The following STXBP5L variants were observed in gnomAD, a reference collection of about 807,000 sequenced individuals.
STXBP5L encodes the protein syntaxin-binding protein 5-like.
Under a neutral mutation model 144.5 loss-of-function variants are expected in STXBP5L, and 65 were observed. The observed-to-expected ratio is 0.45, with a 90% CI of 0.37 to 0.55. The LOEUF (loss-of-function observed/expected upper bound fraction) is 0.55. STXBP5L is among the 20% of genes least tolerant of loss of function. The probability of loss-of-function intolerance (pLI) is 0.00; values close to 1 mark genes in which losing one functional copy is unlikely to be tolerated. For missense variants in STXBP5L, 1,298 were observed against 1,405.5 expected (o/e 0.92, Z 1.22); for synonymous variants, 505 against 469.6 (o/e 1.08, Z -0.97).
intron 18 of STXBP5L, among the ~76,000 whole-genome samples, chr3:121,268,634 A>G (rs1407495101): frequency 6.6e-6 from 1 of 152,214 alleles, no homozygotes; most frequent in African/African-American, 2.4e-5. Context: ...TAATAGATTG[A>G]TTTCATCTAA....
At chr3:121,074,217 C>T (rs1485528032) in intron 5 of STXBP5L, among the ~76,000 whole-genome samples, 2 of 152,200 alleles carry the variant, frequency 1.3e-5, no homozygotes, top group African/African-American at 4.8e-5. Context: ...TTCAGGAGCT[C>T]GTTGGATGCA....
intron 3 of STXBP5L, among the ~76,000 whole-genome samples, chr3:120,985,049 G>T (rs1474872762): frequency 6.6e-6 from 1 of 151,956 alleles, no homozygotes; most frequent in African/African-American, 2.4e-5. Flanking sequence ...ATATGCTGCT[G>T]TATTTGGTTT....
At chr3:121,117,962 CTATTTCTG>C (rs757680641) in intron 6 of STXBP5L, among the ~76,000 whole-genome samples, 16 of 151,582 alleles carry the variant, frequency 1.1e-4, no homozygotes, top group Non-Finnish European at 2.1e-4. Context: ...ATAGAAACAG[CTATTTCTG>C]TAGGGCAGCC....
intron 9 of STXBP5L, among the ~76,000 whole-genome samples, chr3:121,159,922 G>A (rs2046259686): frequency 1.3e-5 from 2 of 152,066 alleles, no homozygotes; most frequent in South Asian, 2.1e-4. Context: ...GTGAGCCACC[G>A]CGCCCGGCCG....
intron 3 of STXBP5L, among the ~76,000 whole-genome samples, chr3:120,984,144 A>G (rs1169057116): frequency 1.3e-5 from 2 of 152,190 alleles, no homozygotes; most frequent in Non-Finnish European, 2.9e-5. Context: ...TCTTAGACTC[A>G]TGAAGAGGTT....
intron 3 of STXBP5L, among the ~76,000 whole-genome samples, chr3:121,006,829 G>T (rs995534381): frequency 1.1e-4 from 17 of 152,130 alleles, no homozygotes; most frequent in Non-Finnish European, 2.4e-4. Flanking sequence ...GGCTGTATAT[G>T]AAATTCTGGG....
At chr3:121,097,648 C>A (rs2043197788) in intron 5 of STXBP5L, among the ~76,000 whole-genome samples, 1 of 152,140 alleles carries the variant, frequency 6.6e-6, no homozygotes, top group Non-Finnish European at 1.5e-5. Context: ...CTGCACCCAC[C>A]ATCCAACCAT....
At chr3:121,036,112 C>T (rs892971954) in intron 3 of STXBP5L, among the ~76,000 whole-genome samples, 13 of 152,178 alleles carry the variant, frequency 8.5e-5, no homozygotes, top group Admixed American at 4.6e-4. Context: ...GTGGGCAGAT[C>T]ACTTGAGGTC....
At chr3:120,959,883 A>G (rs988883140) in intron 3 of STXBP5L, among the ~76,000 whole-genome samples, 6 of 152,208 alleles carry the variant, frequency 3.9e-5, no homozygotes, top group Non-Finnish European at 8.8e-5. Context: ...AGCAATGGCA[A>G]CAAAAGCCAA....
chr3:121,041,656 G>T, intron 3 of STXBP5L, 44 bp from the exon 4 acceptor site: 1 of 1,368,348 alleles, frequency 7.3e-7, no homozygotes, highest in African/African-American at 1.4e-5. Context: ...CATTAATATT[G>T]GTGCTAATTA....
At chr3:121,224,346 T>C (rs988445835) in intron 11 of STXBP5L, among the ~76,000 whole-genome samples, 2 of 152,170 alleles carry the variant, frequency 1.3e-5, no homozygotes, top group African/African-American at 4.8e-5. Flanking sequence ...ATGGGATAAA[T>C]TGATATTAAA....
intron 3 of STXBP5L, among the ~76,000 whole-genome samples, chr3:121,025,910 A>G (rs1945895252): frequency 8.3e-6 from 1 of 119,992 alleles, no homozygotes; most frequent in East Asian, 2.2e-4. Flanking sequence ...AATTATATAA[A>G]TTTATAAATA....
At chr3:121,322,351 G>A (rs1485979232) in intron 20 of STXBP5L, among the ~76,000 whole-genome samples, 11 of 151,930 alleles carry the variant, frequency 7.2e-5, no homozygotes, top group Non-Finnish European at 1.5e-4. Flanking sequence ...GGTGGTGCAT[G>A]CCTGCAATCC....
chr3:121,349,666 G>C (rs2045183597), intron 20 of STXBP5L, among the ~76,000 whole-genome samples: 1 of 152,084 alleles, frequency 6.6e-6, no homozygotes, highest in South Asian at 2.1e-4. Context: ...ATATATTTAG[G>C]ATAGTTAGCT....
chr3:120,945,773 C>T (rs938476207), intron 2 of STXBP5L, among the ~76,000 whole-genome samples: 8 of 151,778 alleles, frequency 5.3e-5, no homozygotes, highest in Non-Finnish European at 7.4e-5. Flanking sequence ...TTGGTGGAAA[C>T]GCTATTACTG....
intron 9 of STXBP5L, among the ~76,000 whole-genome samples, chr3:121,204,754 A>T (rs1365281810): frequency 1.3e-5 from 2 of 152,182 alleles, no homozygotes; most frequent in Non-Finnish European, 2.9e-5. Context: ...CAAATATTGC[A>T]TTTCAGAACA....
At chr3:121,096,639 A>G (rs1034017225) in intron 5 of STXBP5L, among the ~76,000 whole-genome samples, 2 of 151,960 alleles carry the variant, frequency 1.3e-5, no homozygotes, top group Non-Finnish European at 2.9e-5. Context: ...TCCACTACAG[A>G]CGCTATTTGC....
intron 20 of STXBP5L, among the ~76,000 whole-genome samples, chr3:121,338,608 A>G (rs2331712): frequency 0.08 from 11,725 of 147,112 alleles, 617 homozygotes; most frequent in Admixed American, 0.11. Flanking sequence ...AAAAAAAAAA[A>G]AGAGAGAAAG....
At chr3:121,262,411 C>T (rs552420142) in intron 18 of STXBP5L, among the ~76,000 whole-genome samples, 1 of 152,308 alleles carries the variant, frequency 6.6e-6, no homozygotes, top group South Asian at 2.1e-4. Flanking sequence ...AGGTGGATCA[C>T]CTGAGGTCAG....
Sources: gnomAD v4.1 joint callset for allele counts (sites outside exome capture counted in the v4.1 genomes callset) on GRCh38, gnomAD v4.1.1 for gene constraint, MANE v1.5 for transcripts, NCBI Gene and HGNC (gene_info 2026-07-23, HGNC 2026-07-21) for gene names.